SLC25A15: variants seen among roughly 807,000 people sequenced by gnomAD.
The protein encoded by SLC25A15 is mitochondrial ornithine transporter 1.
A neutral mutation model predicts 32.3 loss-of-function variants in SLC25A15; 24 were observed. The observed-to-expected ratio is 0.74, with a 90% CI of 0.54 to 1.04. The LOEUF is 1.04. SLC25A15 is among the 50% of genes least tolerant of loss of function. SLC25A15 has a pLI of 0.00. For synonymous variants in SLC25A15, 132 were observed against 142.1 expected (o/e 0.93, Z 0.51); for missense variants, 317 against 374.5 (o/e 0.85, Z 1.27).
In SLC25A15 at chr13:40,807,327, G is replaced by A; in HGVS notation, c.486G>A (p.Arg162=). The A allele has an allele frequency of 6.2e-7, 1 of 1,614,056 alleles. No homozygotes were observed. The highest frequency in any genetic ancestry group is 8.5e-7 in the Non-Finnish European group (1 of 1,180,012). ...GGTCTGTCATCAAAAGTATTCTTAG[G>A]AAAGATGGCCCCTTGGGGTTCTACC... ...TVWSVIKSIL[R]KDGPLGFYHG... is the part of the protein sequence containing the mutation. Residue 162 remains arginine (R), a synonymous_variant, in exon 5 of 7, where the codon AGG becomes AGA. Transcript: ENST00000338625.
chr13:40,796,235 G>A lies in SLC25A15; in HGVS notation c.56-2822G>A, dbSNP rs374777731. On this transcript the variant is annotated intron_variant, in intron 2 of 6. Coordinates refer to ENST00000338625, the MANE Select transcript of SLC25A15 (RefSeq NM_014252.4). ...TGTCTCTTCTTTTCCTTTAAACAAC[G>A]TTTTCCCCACCACACAGGTTTTTAG... Among the ~76,000 whole-genome samples, 10 of 152,202 alleles carry A rather than the reference G, an allele frequency of 6.6e-5. No homozygotes were observed. The South Asian group carries it at 1.7e-3, about 25-fold the overall frequency.
intron 5 of SLC25A15, 96 bp downstream of exon 5, chr13:40,807,559 C>T: frequency 7.3e-7 from 1 of 1,372,400 alleles, no homozygotes; most frequent in Non-Finnish European, 1.0e-6. Flanking sequence ...GCTCTCCTCC[C>T]CACATTGGTG....
At chr13:40,806,386 C>T (rs1410812051) in intron 4 of SLC25A15, among the ~76,000 whole-genome samples, 1 of 152,174 alleles carries the variant, frequency 6.6e-6, no homozygotes, top group African/African-American at 2.4e-5. Context: ...TTAGGCAGAT[C>T]AACACCTTGA....
rs1403802149 is a variant in SLC25A15, at chr13:40,811,678, C to T, written c.*2011C>T. On this transcript the variant is annotated 3_prime_UTR_variant, in exon 7 of 7. Transcript: ENST00000338625. ...TTCTTGTCACTACTTAAGTTAGCCT[C>T]ATCATTTTGTGCTGCTCCAACACCA... Among the ~76,000 whole-genome samples the T allele has an allele frequency of 2.6e-5, 4 of 152,302 alleles. No homozygotes were observed. Among genetic ancestry groups the T allele is most frequent in the East Asian group, 3.9e-4 (2 of 5,182 alleles).
At chr13:40,801,033 G>A (rs1251334138) in intron 3 of SLC25A15, among the ~76,000 whole-genome samples, 1 of 152,126 alleles carries the variant, frequency 6.6e-6, no homozygotes, top group African/African-American at 2.4e-5. Context: ...AGGAGTTTGA[G>A]ACCAACCTGA....
At chr13:40,801,314 G>A (rs1210963307) in intron 3 of SLC25A15, among the ~76,000 whole-genome samples, 8 of 148,116 alleles carry the variant, frequency 5.4e-5, no homozygotes, top group South Asian at 2.1e-4. Context: ...GCTTGGGCCC[G>A]TTTTTTTTTT....
At chr13:40,808,932 C>CA (rs58015661) in intron 6 of SLC25A15, among the ~76,000 whole-genome samples, 2,793 of 78,576 alleles carry the variant, frequency 0.036, 122 homozygotes, top group African/African-American at 0.082. Flanking sequence ...GACTCTGTCT[C>CA]AAAAAAAAAA....
At chr13:40,801,457 C>T (rs1395620439) in intron 3 of SLC25A15, among the ~76,000 whole-genome samples, 1 of 152,040 alleles carries the variant, frequency 6.6e-6, no homozygotes, top group Non-Finnish European at 1.5e-5. Flanking sequence ...GCAGATGTTA[C>T]CTCTCTTAGG....
At position 40,808,482 on chromosome 13, in the gene SLC25A15, C is replaced by G. The variant is rs766311643; in HGVS notation, c.667C>G (p.Leu223Val). 2 of 1,613,468 alleles carry G rather than the reference C, an allele frequency of 1.2e-6. No homozygotes were observed. Among genetic ancestry groups the G allele is most frequent in the Non-Finnish European group, 1.7e-6 (2 of 1,179,972 alleles). Reference sequence around the variant, plus strand: ...AAGTGGTGGAGTTGGTGGGATTTGCCTCTGGCTTGCGGTATACCCAGTGGA... The same window carrying G: ...AAGTGGTGGAGTTGGTGGGATTTGCGTCTGGCTTGCGGTATACCCAGTGGA... ...MLSGGVGGIC[L>V]WLAVYPVDCI... is the part of the protein sequence containing the mutation. Residue 223 changes from leucine (L) to valine (V), a missense_variant, in exon 6 of 7, where the codon CTC (leucine) becomes GTC (valine). Leu to Val is a conservative substitution (Grantham distance 32, BLOSUM62 1). Coordinates refer to ENST00000338625, the MANE Select transcript of SLC25A15 (RefSeq NM_014252.4).
rs368961999 is a variant in SLC25A15, at chr13:40,794,290, A to G, written c.55+1009A>G. 2.6e-5 allele frequency among the ~76,000 whole-genome samples: 4 copies of G among 152,186 alleles called. No individual in the cohort carries two copies. The South Asian group carries it at 8.3e-4, about 32-fold the overall frequency. ...CGGAGGCGGAGGTTGTGGTGAGCCA[A>G]GATCGCGCCATTGCACTCCAGCCTG... On this transcript the variant is annotated intron_variant, in intron 2 of 6. Transcript: ENST00000338625.
In SLC25A15 at chr13:40,796,280, G is replaced by A. The variant is rs1222925500; in HGVS notation, c.56-2777G>A. Among the ~76,000 whole-genome samples, 4 of 152,278 alleles carry A rather than the reference G, an allele frequency of 2.6e-5. 1 individual carries two copies. In the South Asian group the frequency reaches 8.3e-4, roughly 32 times the overall value. ...TTTTAGCCAGCTTATCTACTCTAAA[G>A]TGCTGGGAAGTTCCCATTTCCCTAT... On this transcript the variant is annotated intron_variant, in intron 2 of 6. Coordinates refer to ENST00000338625, the MANE Select transcript of SLC25A15 (RefSeq NM_014252.4).
intron 1 of SLC25A15, among the ~76,000 whole-genome samples, chr13:40,791,365 T>TTA (rs1881496785): frequency 2.2e-5 from 3 of 134,596 alleles, no homozygotes; most frequent in African/African-American, 9.5e-5. Context: ...ATTATTATTA[T>TTA]TTTTTTTTTT....
chr13:40,809,654 T>TG lies in SLC25A15; in HGVS notation c.895dup (p.Glu299GlyfsTer17), dbSNP rs771527035. On this transcript the variant is annotated frameshift_variant, in exon 7 of 7. Coordinates refer to ENST00000338625, the MANE Select transcript of SLC25A15 (RefSeq NM_014252.4). LOFTEE classifies it high-confidence loss of function. ...AGCAGGAAGTTGATGATGAACCAGT[T>TG]GGAAGCATACTGAAGTGTCTTGGTG... 1.1e-5 allele frequency: 17 copies of TG among 1,613,348 alleles called. No homozygotes were observed. Among genetic ancestry groups the TG allele is most frequent in the Non-Finnish European group, 1.4e-5 (16 of 1,179,876 alleles).
chr13:40,804,715 T>TG (rs963668213), intron 3 of SLC25A15, among the ~76,000 whole-genome samples: 4 of 151,762 alleles, frequency 2.6e-5, no homozygotes, highest in African/African-American at 7.3e-5. Context: ...CTAATTTTTT[T>TG]TTTTTTTTGT....
Position 40,810,947 on chromosome 13 carries a change from G to C in SLC25A15, c.*1280G>C, listed in dbSNP as rs1882421753. The C allele has an allele frequency of 8.3e-6, 4 of 483,796 alleles. No individual in the cohort carries two copies. Among genetic ancestry groups the C allele is most frequent in the African/African-American group, 7.9e-5 (4 of 50,498 alleles). 30.0% of individuals were successfully genotyped at this position (483,796 alleles called of 1,614,324 possible). On this transcript the variant is annotated 3_prime_UTR_variant, in exon 7 of 7. Transcript: ENST00000338625. The stretch of plus-strand genomic sequence containing the variant: ...GAAACCCTTCCAAGGAACAGTGAGA[G>C]CCAAAGCCAAGAGAAGCCTTCTTCC...
intron 1 of SLC25A15, among the ~76,000 whole-genome samples, 188 bp downstream of exon 1, chr13:40,789,851 C>CT (rs1881418781): frequency 6.6e-6 from 1 of 152,120 alleles, no homozygotes. Flanking sequence ...GGCCTCCTTC[C>CT]TGCAGTGCCC....
chr13:40,798,105 C>G (rs933417073), intron 2 of SLC25A15, among the ~76,000 whole-genome samples: 5 of 152,056 alleles, frequency 3.3e-5, no homozygotes, highest in African/African-American at 9.7e-5. Context: ...CATGGTGAAA[C>G]CCCATCTCTA....
intron 1 of SLC25A15, among the ~76,000 whole-genome samples, chr13:40,790,369 C>A (rs376655648): frequency 5.9e-5 from 9 of 152,282 alleles, no homozygotes; most frequent in African/African-American, 2.2e-4. Flanking sequence ...GGGTCAAAGG[C>A]GCTGAAAAGA....
chr13:40,795,092 C>T (rs1881627018), intron 2 of SLC25A15, among the ~76,000 whole-genome samples: 2 of 152,144 alleles, frequency 1.3e-5, no homozygotes, highest in South Asian at 2.1e-4. Flanking sequence ...TTGCCCACTG[C>T]GTGCCTTTAG....
Sources: gnomAD v4.1 joint callset for allele counts (sites outside exome capture counted in the v4.1 genomes callset) on GRCh38, gnomAD v4.1.1 for gene constraint, MANE v1.5 for transcripts, NCBI Gene and HGNC (gene_info 2026-07-23, HGNC 2026-07-21) for gene names.